CFAP61: variants seen among roughly 807,000 people sequenced by gnomAD.
CFAP61 encodes cilia and flagella associated protein 61.
In CFAP61, 107 loss-of-function variants were observed where a neutral mutation model predicts 135.6. The ratio of observed to expected loss-of-function variants is 0.79; its 90% confidence interval spans 0.67 to 0.93. CFAP61 has a LOEUF of 0.93. CFAP61 is among the 40% of genes least tolerant of loss of function. The probability of loss-of-function intolerance (pLI) is 0.00; values close to 1 mark genes in which losing one functional copy is unlikely to be tolerated. For synonymous variants in CFAP61, 575 were observed against 578.5 expected (o/e 0.99, Z 0.09); for missense variants, 1,507 against 1,556.2 (o/e 0.97, Z 0.53).
chr20:20,277,505 C>T (rs1377952529), intron 22 of CFAP61, 47 bp downstream of exon 22: 3 of 1,537,106 alleles, frequency 2.0e-6, no homozygotes, highest in Non-Finnish European at 2.6e-6. Flanking sequence ...GGACAGAGGA[C>T]ATCTCCAAGG....
At chr20:20,069,860 TAC>T in intron 2 of CFAP61, 1 of 415,088 alleles carries the variant, frequency 2.4e-6, no homozygotes, top group South Asian at 1.8e-5. Flanking sequence ...TTCCTCCAGT[TAC>T]ATGCTTGCTT....
At chr20:20,357,158 G>A (rs1188454143) in intron 26 of CFAP61, among the ~76,000 whole-genome samples, 1 of 116,592 alleles carries the variant, frequency 8.6e-6, no homozygotes, top group Admixed American at 8.0e-5. Flanking sequence ...TCACACTGAG[G>A]GGAGGTGGTC....
intron 9 of CFAP61, among the ~76,000 whole-genome samples, chr20:20,147,029 T>G (rs1439170324): frequency 6.6e-6 from 1 of 152,242 alleles, no homozygotes; most frequent in African/African-American, 2.4e-5. Context: ...GTTACTTCAC[T>G]TAGAATAATG....
chr20:20,222,329 A>G (rs2048457497), intron 17 of CFAP61, among the ~76,000 whole-genome samples: 2 of 152,186 alleles, frequency 1.3e-5, no homozygotes, highest in African/African-American at 4.8e-5. Context: ...AGAAAAATGG[A>G]AGTGAAAGAA....
chr20:20,359,969 G>A lies in CFAP61; in HGVS notation c.3514-241G>A, dbSNP rs540511538. 5.3e-5 allele frequency among the ~76,000 whole-genome samples: 8 copies of A among 152,290 alleles called. No individual in the cohort carries two copies. The South Asian group carries it at 1.0e-3, about 20-fold the overall frequency. ...TGAGAAAGTCCTGGAGATGGACAGT[G>A]GTGAGGGTTACACAGCAATGTGAAT... On this transcript the variant is annotated intron_variant, in intron 26 of 26. Coordinates refer to ENST00000245957, the MANE Select transcript of CFAP61 (RefSeq NM_015585.4). The surrounding 1 kb of genome is among the most constrained non-coding windows in gnomAD (Gnocchi z 4.0).
intron 17 of CFAP61, among the ~76,000 whole-genome samples, chr20:20,215,746 T>A (rs890371315): frequency 1.3e-5 from 2 of 152,190 alleles, no homozygotes; most frequent in African/African-American, 4.8e-5. Context: ...TTGTATTTTT[T>A]AGTATTTAAC....
At chr20:20,220,824 C>A (rs75993982) in intron 17 of CFAP61, among the ~76,000 whole-genome samples, 1 of 152,090 alleles carries the variant, frequency 6.6e-6, no homozygotes, top group South Asian at 2.1e-4. Context: ...ATGTGTTTCC[C>A]GAACCTTTCA....
chr20:20,097,428 T>A (rs1020271072), intron 7 of CFAP61, among the ~76,000 whole-genome samples: 2 of 152,250 alleles, frequency 1.3e-5, no homozygotes, highest in Non-Finnish European at 2.9e-5. Flanking sequence ...TCTCTCTTTT[T>A]AAATTTTAAA....
intron 3 of CFAP61, among the ~76,000 whole-genome samples, chr20:20,071,582 A>C (rs1247072412): frequency 6.6e-6 from 1 of 152,206 alleles, no homozygotes; most frequent in African/African-American, 2.4e-5. Context: ...GAGCCAGGCC[A>C]GAGACAGGCC....
intron 6 of CFAP61, among the ~76,000 whole-genome samples, chr20:20,086,346 G>GTT: frequency 8.4e-6 from 1 of 119,518 alleles, no homozygotes; most frequent in African/African-American, 3.5e-5. Flanking sequence ...TCCCTGGAGT[G>GTT]TGATGTTCCC....
intron 18 of CFAP61, among the ~76,000 whole-genome samples, chr20:20,237,121 G>A (rs910373478): frequency 1.3e-5 from 2 of 152,096 alleles, no homozygotes; most frequent in African/African-American, 4.8e-5. Context: ...AAGGATTTAT[G>A]TGTTTATTTT....
chr20:20,308,387 AT>A lies in CFAP61; in HGVS notation c.3422+10003del, dbSNP rs544436321. Reference sequence around the variant, plus strand: ...CTCTGTGCCTGTTTTGGTGGGGTCAATTAGAAAACATTCTCTCCAGATCATG... The same window carrying A: ...CTCTGTGCCTGTTTTGGTGGGGTCAATAGAAAACATTCTCTCCAGATCATG... On this transcript the variant is annotated intron_variant, in intron 25 of 26. Transcript: ENST00000245957. 1.3e-3 allele frequency among the ~76,000 whole-genome samples: 192 copies of A among 148,716 alleles called. 2 individuals are homozygous for A. Among genetic ancestry groups the A allele is most frequent in the African/African-American group, 4.5e-3 (180 of 40,438 alleles).
intron 25 of CFAP61, chr20:20,323,058 A>G: frequency 1.0e-6 from 1 of 985,462 alleles, no homozygotes; most frequent in Non-Finnish European, 1.2e-6. Flanking sequence ...CACTGTTCTT[A>G]GACAAAGCAC....
At chr20:20,343,953 A>G (rs2122389925) in intron 26 of CFAP61, among the ~76,000 whole-genome samples, 1 of 152,358 alleles carries the variant, frequency 6.6e-6, no homozygotes, top group Non-Finnish European at 1.5e-5. Context: ...CCCAGGCAGC[A>G]GACCAGAAGT....
intron 1 of CFAP61, among the ~76,000 whole-genome samples, chr20:20,053,407 A>G (rs1179178636): frequency 1.3e-5 from 2 of 152,168 alleles, no homozygotes; most frequent in Non-Finnish European, 2.9e-5. Context: ...ATTTGTTACA[A>G]TCTTGAACCT....
chr20:20,099,127 T>TCACACACACACACACA (rs11087302), intron 8 of CFAP61, among the ~76,000 whole-genome samples: 1 of 149,356 alleles, frequency 6.7e-6, no homozygotes, highest in Admixed American at 6.7e-5. Context: ...GTTTCAGGTT[T>TCACACACACACACACA]CACACACACA....
At chr20:20,173,095 A>T (rs959948570) in intron 13 of CFAP61, among the ~76,000 whole-genome samples, 1 of 151,838 alleles carries the variant, frequency 6.6e-6, no homozygotes, top group African/African-American at 2.4e-5. Flanking sequence ...ATGTCTTTTC[A>T]TGACTGGCTA....
At chr20:20,093,308 A>G (rs901912470) in intron 7 of CFAP61, among the ~76,000 whole-genome samples, 8 of 152,150 alleles carry the variant, frequency 5.3e-5, no homozygotes, top group South Asian at 2.1e-4. Context: ...GGGAAAGGGG[A>G]AGGAGAAGTG....
chr20:20,273,315 C>T (rs1485485968), intron 21 of CFAP61, among the ~76,000 whole-genome samples: 2 of 152,076 alleles, frequency 1.3e-5, no homozygotes, highest in Non-Finnish European at 2.9e-5. Flanking sequence ...ACATTAGGGA[C>T]TATGTGGGAT....
Sources: allele counts gnomAD v4.1 joint callset (sites outside exome capture counted in the v4.1 genomes callset), GRCh38; gene constraint gnomAD v4.1.1; non-coding constraint Gnocchi (gnomAD v3.1); transcripts MANE v1.5; gene names NCBI Gene and HGNC (gene_info 2026-07-23, HGNC 2026-07-21).